SLC16A10: variants seen among roughly 807,000 people sequenced by gnomAD.
SLC16A10 encodes solute carrier family 16 member 10, also known as monocarboxylate transporter 10.
SLC16A10 carries 27 observed loss-of-function variants against 40.0 expected under a neutral mutation model. That is an observed-to-expected ratio of 0.67 (90% CI 0.50 to 0.93). SLC16A10 has a LOEUF of 0.93. Ranked by LOEUF, SLC16A10 falls within the 40% of genes least tolerant of loss-of-function variation. SLC16A10 has a pLI of 0.00. For synonymous variants in SLC16A10, 213 were observed against 249.8 expected, an observed-to-expected ratio of 0.85 and a Z score of 1.39; for missense variants, 529 against 658.2, an observed-to-expected ratio of 0.80 and a Z score of 2.15.
intron 1 of SLC16A10, among the ~76,000 whole-genome samples, chr6:111,100,661 G>A (rs1771158900): frequency 6.6e-6 from 1 of 152,024 alleles, no homozygotes; most frequent in African/African-American, 2.4e-5. Context: ...GTGATTACAG[G>A]TGTGAGCCAC....
intron 1 of SLC16A10, among the ~76,000 whole-genome samples, chr6:111,150,408 A>G (rs1417226564): frequency 2.6e-5 from 4 of 152,344 alleles, no homozygotes; most frequent in Non-Finnish European, 4.4e-5. Context: ...CACTTAATAT[A>G]TATGAAGCAT....
intron 1 of SLC16A10, among the ~76,000 whole-genome samples, chr6:111,112,240 G>C (rs1316427871): frequency 2.6e-5 from 4 of 151,770 alleles, no homozygotes; most frequent in Non-Finnish European, 4.4e-5. Flanking sequence ...TCTCTGTGTT[G>C]CCTAGGCTGG....
intron 3 of SLC16A10, among the ~76,000 whole-genome samples, chr6:111,177,900 A>G (rs1484300589): frequency 6.6e-6 from 1 of 152,164 alleles, no homozygotes; most frequent in African/African-American, 2.4e-5. Flanking sequence ...AAACCCAGCC[A>G]GACACCATGG....
chr6:111,138,506 A>G (rs762252896), intron 1 of SLC16A10, among the ~76,000 whole-genome samples: 3 of 152,166 alleles, frequency 2.0e-5, no homozygotes, highest in Non-Finnish European at 2.9e-5. Flanking sequence ...GGCCCTTTGG[A>G]GAATTTCTTA....
At chr6:111,104,993 T>C (rs1018748135) in intron 1 of SLC16A10, among the ~76,000 whole-genome samples, 8 of 152,308 alleles carry the variant, frequency 5.3e-5, no homozygotes, top group African/African-American at 1.9e-4. Context: ...GTCAAAATTA[T>C]ATTTTTACTA....
chr6:111,144,318 C>T (rs1249454791), intron 1 of SLC16A10, among the ~76,000 whole-genome samples: 1 of 152,144 alleles, frequency 6.6e-6, no homozygotes, highest in African/African-American at 2.4e-5. Flanking sequence ...ATTCTCCTGC[C>T]TCAGCCTCCC....
Position 111,087,784 on chromosome 6 carries a change from C to T in SLC16A10, c.32C>T (p.Ala11Val), listed in dbSNP as rs1181294761. The T allele has an allele frequency of 7.4e-6, 9 of 1,216,426 alleles. No homozygotes were observed. The highest frequency in any genetic ancestry group is 1.6e-5 in the African/African-American group (1 of 62,728). The allele number at this position is 1,216,426 out of a possible 1,614,324, so 75.4% of individuals were successfully genotyped here. ...CTCTCCCAGGAGGAGCCGGACTCCG[C>T]GCGGGGCACGAGCGAGGCGCAGCCG... The part of the protein sequence containing the change: MVLSQEEPDS[A>V]RGTSEAQPLG... The change falls in exon 1 of 6, where the codon GCG becomes GTG. Residue 11 changes from alanine (A) to valine (V), a missense_variant. Coordinates refer to ENST00000368851, the MANE Select transcript of SLC16A10 (RefSeq NM_018593.5).
chr6:111,170,063 A>G (rs909616424), intron 1 of SLC16A10, among the ~76,000 whole-genome samples: 2 of 151,920 alleles, frequency 1.3e-5, no homozygotes, highest in African/African-American at 2.4e-5. Flanking sequence ...GATTACAGGC[A>G]TGAGCCAACA....
chr6:111,186,836 C>T (rs570435867), intron 3 of SLC16A10, among the ~76,000 whole-genome samples: 1 of 152,206 alleles, frequency 6.6e-6, no homozygotes, highest in South Asian at 2.1e-4. Flanking sequence ...CCTTGGGCAG[C>T]TTACTTGTAA....
At chr6:111,166,486 C>T (rs904294865) in intron 1 of SLC16A10, among the ~76,000 whole-genome samples, 1 of 150,470 alleles carries the variant, frequency 6.6e-6, no homozygotes, top group East Asian at 1.9e-4. Context: ...TATTTGCATA[C>T]ATTTATTTTA....
Position 111,230,801 on chromosome 6 carries a change from A to AT in SLC16A10, c.*8570dup, listed in dbSNP as rs911567336. ...TTATTTGAAAATTAATTTTTTAATT[A>AT]TTTTGTATATTTTGAGTTAGAAAAA... On this transcript the variant is annotated 3_prime_UTR_variant, in exon 6 of 6. Transcript: ENST00000368851. The AT allele has an allele frequency of 2.2e-4, 34 of 152,272 alleles. No homozygotes were observed. Among genetic ancestry groups the AT allele is most frequent in the Admixed American group, 1.3e-3 (20 of 15,294 alleles). 9.4% of individuals were successfully genotyped at this position (152,272 alleles called of 1,614,324 possible). A position where few individuals can be genotyped will look rare whatever the true frequency, so the allele number is the denominator to read the frequency against.
At chr6:111,124,343 C>T (rs1402419914) in intron 1 of SLC16A10, among the ~76,000 whole-genome samples, 1 of 150,834 alleles carries the variant, frequency 6.6e-6, no homozygotes, top group Non-Finnish European at 1.5e-5. Flanking sequence ...ATTAATTCTT[C>T]CCCAATAGAG....
chr6:111,094,360 T>G (rs528422247), intron 1 of SLC16A10, among the ~76,000 whole-genome samples: 2 of 152,354 alleles, frequency 1.3e-5, no homozygotes, highest in East Asian at 3.9e-4. Flanking sequence ...TAACATGAAC[T>G]CATTTTTCAG....
At chr6:111,174,218 G>C (rs749046544) in intron 2 of SLC16A10, among the ~76,000 whole-genome samples, 1 of 152,074 alleles carries the variant, frequency 6.6e-6, no homozygotes, top group Non-Finnish European at 1.5e-5. Flanking sequence ...TTCATTTCCT[G>C]CCTCTTTCCT....
chr6:111,195,233 A>G (rs1434181750), intron 3 of SLC16A10, among the ~76,000 whole-genome samples: 1 of 152,248 alleles, frequency 6.6e-6, no homozygotes, highest in Non-Finnish European at 1.5e-5. Flanking sequence ...GTGCTACAAC[A>G]TGGATGAACC....
chr6:111,104,747 G>C (rs1426957720), intron 1 of SLC16A10, among the ~76,000 whole-genome samples: 2 of 152,150 alleles, frequency 1.3e-5, no homozygotes, highest in African/African-American at 2.4e-5. Context: ...AGAGGAACAT[G>C]ACATAATGGA....
At chr6:111,131,404 A>T (rs184143770) in intron 1 of SLC16A10, among the ~76,000 whole-genome samples, 1 of 152,198 alleles carries the variant, frequency 6.6e-6, no homozygotes, top group African/African-American at 2.4e-5. Flanking sequence ...GTCAGAGAAG[A>T]AGAGGCTTGC....
At chr6:111,217,918 G>C (rs571779466) in intron 4 of SLC16A10, among the ~76,000 whole-genome samples, 29 of 152,234 alleles carry the variant, frequency 1.9e-4, no homozygotes, top group Non-Finnish European at 3.5e-4. Context: ...CCAAGGGTAG[G>C]AACGAAATCT....
At chr6:111,158,649 C>T (rs1772316758) in intron 1 of SLC16A10, among the ~76,000 whole-genome samples, 1 of 152,108 alleles carries the variant, frequency 6.6e-6, no homozygotes, top group African/African-American at 2.4e-5. Context: ...CTGTAAATAA[C>T]CTTTCGAAGA....
Sources: gnomAD v4.1 joint callset for allele counts (sites outside exome capture counted in the v4.1 genomes callset) on GRCh38, gnomAD v4.1.1 for gene constraint, MANE v1.5 for transcripts, NCBI Gene and HGNC (gene_info 2026-07-23, HGNC 2026-07-21) for gene names.